Variants in TNS1 observed in about 807,000 individuals in gnomAD.
TNS1 encodes tensin 1.
Under a neutral mutation model 168.6 loss-of-function variants are expected in TNS1, and 62 were observed. The observed-to-expected ratio is 0.37, with a 90% CI of 0.30 to 0.45. The LOEUF (loss-of-function observed/expected upper bound fraction) is 0.45, where lower values mean the gene tolerates loss of function less well. Among genes scored for constraint, TNS1 ranks in the 20% least tolerant of loss-of-function variants. TNS1 has a pLI of 1.00. For missense variants in TNS1, 2,240 were observed against 2,339.4 expected (o/e 0.96, Z 0.88); for synonymous variants, 934 against 933.2 (o/e 1.00, Z -0.02).
In TNS1 at chr2:217,915,082, A is replaced by AT. The variant is rs80171912; in HGVS notation, c.228+5112dup. Among the ~76,000 whole-genome samples, 279 of 151,966 alleles carry AT rather than the reference A, an allele frequency of 1.8e-3. 3 individuals carry two copies. In the East Asian group the frequency reaches 0.044, roughly 24 times the overall value. ...TGCCCCTCCCCTTTGAAAATCAGCC[A>AT]TTTTTTCAGGATTTCCCAAGGATGG... is the stretch of plus-strand genomic sequence containing the variant. On this transcript the variant is annotated intron_variant, in intron 4 of 32. Coordinates refer to ENST00000682258, the MANE Select transcript of TNS1 (RefSeq NM_001387777.1).
chr2:218,008,529 G>A (rs1439011854), intron 1 of TNS1, among the ~76,000 whole-genome samples: 1 of 152,250 alleles, frequency 6.6e-6, no homozygotes, highest in Non-Finnish European at 1.5e-5. Flanking sequence ...CCAGTGGAAT[G>A]TGGACAGGGC....
rs113609923 is a variant in TNS1 at position 217,893,329 on chromosome 2, G to A, written c.717+110C>T. 62 of 1,450,268 alleles carry A rather than the reference G, an allele frequency of 4.3e-5. No individual in the cohort carries two copies. In the African/African-American group the frequency reaches 7.0e-4, roughly 16 times the overall value. 89.8% of individuals were successfully genotyped at this position (1,450,268 alleles called of 1,614,324 possible). On this transcript the variant is annotated intron_variant, in intron 10 of 32. Transcript: ENST00000682258. The stretch of plus-strand genomic sequence containing the variant: ...GACTTATATGCTCGCAAAATCCAAA[G>A]ATATAGGCAGGTACACACAATCATC...
intron 1 of TNS1, among the ~76,000 whole-genome samples, chr2:218,023,044 A>G (rs1172137290): frequency 6.6e-6 from 1 of 152,226 alleles, no homozygotes; most frequent in Non-Finnish European, 1.5e-5. Context: ...AAGAAGGGCC[A>G]GGTGCCTTCA....
upstream of TNS1, chr2:218,003,023 G>C (rs1958595744): frequency 2.3e-6 from 1 of 430,164 alleles, no homozygotes; most frequent in Admixed American, 2.4e-5. Context: ...GCTGCCTCCA[G>C]CTCACCCTCC....
chr2:217,859,614 C>G, intron 18 of TNS1: 1 of 1,534,128 alleles, frequency 6.5e-7, no homozygotes, highest in South Asian at 1.2e-5. Context: ...TTGGGAAGGC[C>G]AGTGTGTGTC....
At chr2:217,837,837 T>C (rs191556672) in intron 19 of TNS1, among the ~76,000 whole-genome samples, 2 of 152,226 alleles carry the variant, frequency 1.3e-5, no homozygotes, top group African/African-American at 4.8e-5. Context: ...CAGGAGCATC[T>C]ACCTGAAGGA....
intron 3 of TNS1, among the ~76,000 whole-genome samples, chr2:217,922,454 G>A (rs945440200): frequency 2.0e-5 from 3 of 152,212 alleles, no homozygotes; most frequent in African/African-American, 4.8e-5. Flanking sequence ...GGCAGGGACC[G>A]CGAGCCAGGC....
intron 1 of TNS1, among the ~76,000 whole-genome samples, chr2:218,009,013 A>G (rs956035211): frequency 6.6e-6 from 1 of 152,236 alleles, no homozygotes; most frequent in African/African-American, 2.4e-5. Context: ...CCCATTTTAC[A>G]GATGAGAAAA....
intron 4 of TNS1, among the ~76,000 whole-genome samples, chr2:217,917,721 C>T (rs1955191711): frequency 6.6e-6 from 1 of 150,986 alleles, no homozygotes; most frequent in Non-Finnish European, 1.5e-5. Context: ...GTCCCAGCTA[C>T]TCAGGAGGCT....
At chr2:217,805,551 C>T (rs1938627938) in intron 32 of TNS1, among the ~76,000 whole-genome samples, 1 of 65,574 alleles carries the variant, frequency 1.5e-5, no homozygotes, top group Non-Finnish European at 3.3e-5. Context: ...CACCACCACA[C>T]ACCACACACA....
chr2:217,814,230 G>A (rs981048712), intron 25 of TNS1, among the ~76,000 whole-genome samples: 1 of 152,090 alleles, frequency 6.6e-6, no homozygotes, highest in Non-Finnish European at 1.5e-5. Flanking sequence ...TGCCCTGGCT[G>A]GTCTCGAACT....
rs113951709 is a variant in TNS1, at chr2:217,957,542, T to C, written c.186+21223A>G. Among the ~76,000 whole-genome samples the C allele has an allele frequency of 1.5e-3, 236 of 152,262 alleles. 1 individual carries two copies. Among genetic ancestry groups the C allele is most frequent in the African/African-American group, 5.4e-3 (223 of 41,548 alleles). On this transcript the variant is annotated intron_variant, in intron 3 of 32. Transcript: ENST00000682258. ...TGGCCGGTGAAGATGGTGGCAATGA[T>C]ATATGTCAATATATGATTACTATGG...
intron 22 of TNS1, chr2:217,829,999 T>C: frequency 6.6e-7 from 1 of 1,503,902 alleles, no homozygotes; most frequent in South Asian, 1.3e-5. Context: ...AGGGATTATT[T>C]CTTGAGAAAG....
chr2:217,907,954 A>C (rs908199917), intron 4 of TNS1, among the ~76,000 whole-genome samples: 2 of 151,842 alleles, frequency 1.3e-5, no homozygotes, highest in Non-Finnish European at 2.9e-5. Context: ...CTCCCTGGCC[A>C]CCCCAGCAAG....
At chr2:218,030,942 TGA>T (rs560824432) in intron 1 of TNS1, among the ~76,000 whole-genome samples, 128 of 152,230 alleles carry the variant, frequency 8.4e-4, no homozygotes, top group Non-Finnish European at 1.6e-3. Flanking sequence ...AGCATAAGTA[TGA>T]GTGTGTATGT....
At chr2:217,888,855 A>G (rs1951474533) in intron 12 of TNS1, among the ~76,000 whole-genome samples, 1 of 152,206 alleles carries the variant, frequency 6.6e-6, no homozygotes, top group Non-Finnish European at 1.5e-5. Flanking sequence ...AAAATGGACT[A>G]ATACACCAGG....
In TNS1 at chr2:217,924,101, C is replaced by T. The variant is rs1477825023; in HGVS notation, c.187-3865G>A. Among the ~76,000 whole-genome samples the T allele has an allele frequency of 2.6e-5, 4 of 152,186 alleles. No individual in the cohort carries two copies. The East Asian group carries it at 7.7e-4, about 29-fold the overall frequency. On this transcript the variant is annotated intron_variant, in intron 3 of 32. Transcript: ENST00000682258. ...ATGCTCAGCCCCCTTGTCCGGGACC[C>T]GAAGCCACACACAGAGGTGGGTTCC... is the stretch of plus-strand genomic sequence containing the variant.
intron 18 of TNS1, among the ~76,000 whole-genome samples, chr2:217,872,006 A>C (rs1463101588): frequency 6.6e-6 from 1 of 152,274 alleles, no homozygotes; most frequent in Non-Finnish European, 1.5e-5. Context: ...GACTGGTTGC[A>C]GACCCACCAC....
chr2:217,938,388 G>A (rs1956739661), intron 3 of TNS1, among the ~76,000 whole-genome samples: 1 of 152,188 alleles, frequency 6.6e-6, no homozygotes, highest in African/African-American at 2.4e-5. Context: ...GAGAGGGATT[G>A]TGGCCAGGAG....
Sources: gnomAD v4.1 joint callset for allele counts (sites outside exome capture counted in the v4.1 genomes callset) on GRCh38, gnomAD v4.1.1 for gene constraint, MANE v1.5 for transcripts, NCBI Gene and HGNC (gene_info 2026-07-23, HGNC 2026-07-21) for gene names.